CPXM2: variants seen among roughly 807,000 people sequenced by gnomAD.
CPXM2 encodes the protein inactive carboxypeptidase-like protein X2.
A neutral mutation model predicts 86.1 loss-of-function variants in CPXM2; 66 were observed. That is an observed-to-expected ratio of 0.77 (90% CI 0.63 to 0.94). The LOEUF (loss-of-function observed/expected upper bound fraction) is 0.94. CPXM2 is among the 40% of genes least tolerant of loss of function. The pLI, the probability that CPXM2 is intolerant of heterozygous loss-of-function variation, is 0.00. For missense variants in CPXM2, 948 were observed against 1,026.3 expected (o/e 0.92, Z 1.04); for synonymous variants, 388 against 400.2 (o/e 0.97, Z 0.36).
chr10:123,819,779 T>C (rs1847887711), intron 4 of CPXM2, among the ~76,000 whole-genome samples: 2 of 152,230 alleles, frequency 1.3e-5, no homozygotes, highest in Non-Finnish European at 2.9e-5. Context: ...TGGGTTCAAA[T>C]TGACAAGAGA....
chr10:123,803,118 C>CTTTTTTTT lies in CPXM2; in HGVS notation c.654-3927_654-3920dup, dbSNP rs532954173. ...TCCTTTTCATCCTCTTTGTAGTACC[C>CTTTTTTTT]TTTTTTTTTTTTTTTTTTTTTTTTT... On this transcript the variant is annotated intron_variant, in intron 4 of 13. Transcript: ENST00000241305. Among the ~76,000 whole-genome samples, 321 of 63,610 alleles carry CTTTTTTTT rather than the reference C, an allele frequency of 5.0e-3. 44 individuals carry two copies. Among genetic ancestry groups the CTTTTTTTT allele is most frequent in the Middle Eastern group, 0.032 (2 of 62 alleles). The allele number at this position is 63,610 out of a possible 152,430, so 41.7% of individuals were successfully genotyped here. A position where few individuals can be genotyped will look rare whatever the true frequency, so the allele number is the denominator to read the frequency against.
At chr10:123,786,834 T>G (rs1328801118) in intron 6 of CPXM2, among the ~76,000 whole-genome samples, 1 of 152,200 alleles carries the variant, frequency 6.6e-6, no homozygotes, top group Non-Finnish European at 1.5e-5. Flanking sequence ...ATTCCCTTTT[T>G]CTTCAAATGT....
intron 1 of CPXM2, among the ~76,000 whole-genome samples, chr10:123,880,828 C>CAAAAAAAAA (rs71484548): frequency 1.9e-5 from 1 of 54,000 alleles, no homozygotes. Context: ...GATTCCGTCT[C>CAAAAAAAAA]AAAAAAAAAA....
At chr10:123,894,329 C>A (rs1336976774), upstream of CPXM2, among the ~76,000 whole-genome samples, 4 of 152,168 alleles carry the variant, frequency 2.6e-5, no homozygotes, top group African/African-American at 7.2e-5. Context: ...TCAACATGTC[C>A]CTGGAATAAA....
At chr10:123,920,309 A>G (rs1456935611) in intron 2 of CPXM2, among the ~76,000 whole-genome samples, 1 of 152,240 alleles carries the variant, frequency 6.6e-6, no homozygotes, top group East Asian at 1.9e-4. Context: ...AAAGCAAATG[A>G]AATAAAGATA....
chr10:123,747,565 A>T (rs1372078162), intron 13 of CPXM2, among the ~76,000 whole-genome samples: 3 of 152,142 alleles, frequency 2.0e-5, no homozygotes, highest in Non-Finnish European at 2.9e-5. Flanking sequence ...TGGGAGTTGC[A>T]GGGCCATCTA....
At position 123,776,185 on chromosome 10, in the gene CPXM2, T is replaced by C. The variant is rs568282392; in HGVS notation, c.978+3982A>G. 2.0e-3 allele frequency among the ~76,000 whole-genome samples: 298 copies of C among 152,272 alleles called. 1 individual carries two copies. The highest frequency in any genetic ancestry group is 9.8e-3 in the South Asian group (47 of 4,820). ...TCAACCCTATCTGGCAAAATCCTATTTCTTAATATTTAATATAATGGAGGA... is the reference window on the plus strand; with the variant it reads ...TCAACCCTATCTGGCAAAATCCTATCTCTTAATATTTAATATAATGGAGGA... On this transcript the variant is annotated intron_variant, in intron 7 of 13. Transcript: ENST00000241305.
rs1847720280 is a variant in CPXM2, at chr10:123,812,733, G to C, written c.654-13534C>G. ...AGGAGCATGAACCCTATTGTGAACT[G>C]TGCCCATGAGGGATCTAGGTTGCAT... is the stretch of plus-strand genomic sequence containing the variant. On this transcript the variant is annotated intron_variant, in intron 4 of 13. Transcript: ENST00000241305. 3.3e-5 allele frequency among the ~76,000 whole-genome samples: 5 copies of C among 152,194 alleles called. No individual in the cohort carries two copies. In the South Asian group the frequency reaches 8.3e-4, roughly 25 times the overall value.
chr10:123,766,712 A>T (rs1846483047), intron 10 of CPXM2, among the ~76,000 whole-genome samples: 1 of 152,242 alleles, frequency 6.6e-6, no homozygotes, highest in African/African-American at 2.4e-5. Context: ...AAACATGTGC[A>T]ATTCAGGGGA....
In CPXM2 at chr10:123,807,977, C is replaced by CA. The variant is rs1413710889; in HGVS notation, c.654-8779dup. On this transcript the variant is annotated intron_variant, in intron 4 of 13. Coordinates refer to ENST00000241305, the MANE Select transcript of CPXM2 (RefSeq NM_198148.3). ...AGTCCAAATAAAGAAAGGTTTGTGTCAAAGATTTCTTGACTGCGGAATGAG... is the reference window on the plus strand; with the variant it reads ...AGTCCAAATAAAGAAAGGTTTGTGTCAAAAGATTTCTTGACTGCGGAATGAG... 2.6e-5 allele frequency among the ~76,000 whole-genome samples: 4 copies of CA among 152,258 alleles called. No homozygotes were observed. The East Asian group carries it at 7.7e-4, about 29-fold the overall frequency.
At chr10:123,838,279 G>T (rs1017633804) in intron 4 of CPXM2, among the ~76,000 whole-genome samples, 3 of 152,104 alleles carry the variant, frequency 2.0e-5, no homozygotes, top group African/African-American at 4.8e-5. Flanking sequence ...TGGCCAACAT[G>T]GTGAAACCCT....
At chr10:123,832,406 C>T (rs1473774413) in intron 4 of CPXM2, among the ~76,000 whole-genome samples, 1 of 152,064 alleles carries the variant, frequency 6.6e-6, no homozygotes, top group Non-Finnish European at 1.5e-5. Flanking sequence ...GAGGGATGTG[C>T]ACTGGACAGG....
chr10:123,747,775 G>A (rs1358368452), intron 13 of CPXM2, among the ~76,000 whole-genome samples: 2 of 151,978 alleles, frequency 1.3e-5, no homozygotes, highest in Non-Finnish European at 2.9e-5. Context: ...CACTTTGGGA[G>A]GCTGGGTGTG....
At chr10:123,831,247 T>C (rs1428012520) in intron 4 of CPXM2, among the ~76,000 whole-genome samples, 1 of 152,142 alleles carries the variant, frequency 6.6e-6, no homozygotes, top group African/African-American at 2.4e-5. Context: ...ACCAAGGTAC[T>C]GAAAGCCCCC....
In CPXM2 at chr10:123,763,641, G is replaced by A. The variant is rs1846399679; in HGVS notation, c.1480-1472C>T. Among the ~76,000 whole-genome samples the A allele has an allele frequency of 2.0e-5, 3 of 151,560 alleles. No homozygotes were observed. In the South Asian group the frequency reaches 6.2e-4, roughly 31 times the overall value. On this transcript the variant is annotated intron_variant, in intron 10 of 13. Transcript: ENST00000241305. ...CTCCCACTTAGTTTTGTGGTTCCCAGATTCATCCTATTGTTGAATAAAGCT... is the reference window on the plus strand; with the variant it reads ...CTCCCACTTAGTTTTGTGGTTCCCAAATTCATCCTATTGTTGAATAAAGCT...
At chr10:123,835,062 T>C (rs1288396125) in intron 4 of CPXM2, among the ~76,000 whole-genome samples, 1 of 152,176 alleles carries the variant, frequency 6.6e-6, no homozygotes, top group Non-Finnish European at 1.5e-5. Flanking sequence ...CCTCTTTTCT[T>C]TATAAATTAT....
chr10:123,792,088 C>T (rs541706560), intron 6 of CPXM2, among the ~76,000 whole-genome samples: 1 of 152,320 alleles, frequency 6.6e-6, no homozygotes, highest in East Asian at 1.9e-4. Context: ...GATTTAGCAC[C>T]ATTAGCGAGT....
intron 13 of CPXM2, among the ~76,000 whole-genome samples, chr10:123,749,478 C>T (rs977040355): frequency 3.3e-5 from 5 of 152,194 alleles, no homozygotes; most frequent in Non-Finnish European, 5.9e-5. Context: ...TCTGTGCTGT[C>T]GCTGGCCTTC....
At chr10:123,888,607 T>C (rs909241021) in intron 1 of CPXM2, among the ~76,000 whole-genome samples, 11 of 152,326 alleles carry the variant, frequency 7.2e-5, no homozygotes, top group African/African-American at 2.6e-4. Context: ...CCTAGTGTAG[T>C]TTAACTGCAC....
Sources: gnomAD v4.1 joint callset for allele counts (sites outside exome capture counted in the v4.1 genomes callset) on GRCh38, gnomAD v4.1.1 for gene constraint, MANE v1.5 for transcripts, NCBI Gene and HGNC (gene_info 2026-07-23, HGNC 2026-07-21) for gene names.